KIAA0825: variants seen among roughly 807,000 people sequenced by gnomAD.
The protein encoded by KIAA0825 is KIAA0825.
KIAA0825 carries 119 observed loss-of-function variants against 147.6 expected under a neutral mutation model. The observed-to-expected ratio is 0.81, with a 90% CI of 0.69 to 0.94. KIAA0825 has a LOEUF of 0.94. Ranked by LOEUF, KIAA0825 falls within the 40% of genes least tolerant of loss-of-function variation. KIAA0825 has a pLI of 0.00. For missense variants in KIAA0825, 1,381 were observed against 1,472.7 expected, an observed-to-expected ratio of 0.94 and a Z score of 1.02; for synonymous variants, 470 against 518.1, an observed-to-expected ratio of 0.91 and a Z score of 1.26.
intron 20 of KIAA0825, among the ~76,000 whole-genome samples, chr5:94,359,495 G>A (rs1350304870): frequency 2.6e-5 from 4 of 152,292 alleles, no homozygotes; most frequent in Admixed American, 6.5e-5. Context: ...AGTGGCTCAC[G>A]CCTGTAATCC....
At chr5:94,348,401 C>CTA (rs1039443020) in intron 20 of KIAA0825, among the ~76,000 whole-genome samples, 14 of 152,112 alleles carry the variant, frequency 9.2e-5, no homozygotes, top group African/African-American at 3.4e-4. Context: ...TACGGAAGCA[C>CTA]TAGGTAACCT....
Position 94,471,466 on chromosome 5 carries a change from T to C in KIAA0825, c.1721A>G (p.Lys574Arg), listed in dbSNP as rs1225647547. 1 of 1,551,718 alleles carries C rather than the reference T, an allele frequency of 6.4e-7. No individual in the cohort carries two copies. ...TCATCTTAATTTAAACAACACTCAC[T>C]TTTTAGTCATTTCCTTCATCAAATT... Reference protein sequence around the residue: ...YDNLMKEMTKKPIFLVLVQRY... With the variant: ...YDNLMKEMTKRPIFLVLVQRY... Residue 574 changes from lysine (K) to arginine (R), a missense_variant and splice_region_variant, in exon 9 of 21, where the codon AAA becomes AGA. Physicochemically the swap from Lys to Arg is conservative, Grantham distance 26. Coordinates refer to ENST00000682413, the MANE Select transcript of KIAA0825 (RefSeq NM_001145678.3).
chr5:94,214,493 A>G (rs1013525870), intron 20 of KIAA0825, among the ~76,000 whole-genome samples: 3 of 151,936 alleles, frequency 2.0e-5, no homozygotes, highest in Non-Finnish European at 4.4e-5. Context: ...CCTTCCCCCA[A>G]TACCTGAAGT....
At chr5:94,401,438 A>G (rs1207482490) in intron 16 of KIAA0825, among the ~76,000 whole-genome samples, 1 of 152,144 alleles carries the variant, frequency 6.6e-6, no homozygotes, top group Admixed American at 6.6e-5. Flanking sequence ...ACTTGTATGT[A>G]TTATGAGGAT....
intron 20 of KIAA0825, among the ~76,000 whole-genome samples, chr5:94,213,069 A>G (rs911504697): frequency 2.0e-5 from 3 of 152,140 alleles, no homozygotes; most frequent in African/African-American, 7.2e-5. Flanking sequence ...ATAGATAAGG[A>G]AATTGAGGCA....
At chr5:94,259,245 T>C (rs1342826170) in intron 20 of KIAA0825, among the ~76,000 whole-genome samples, 2 of 152,106 alleles carry the variant, frequency 1.3e-5, no homozygotes, top group East Asian at 3.8e-4. Context: ...TCTCAGATCA[T>C]TTTATAATCA....
chr5:94,232,574 C>G (rs928355384), intron 20 of KIAA0825, among the ~76,000 whole-genome samples: 1 of 152,040 alleles, frequency 6.6e-6, no homozygotes, highest in Non-Finnish European at 1.5e-5. Context: ...ATAGATTCAA[C>G]TGTTGTTTTT....
At chr5:94,495,392 G>C (rs982786948) in intron 5 of KIAA0825, among the ~76,000 whole-genome samples, 3 of 152,158 alleles carry the variant, frequency 2.0e-5, no homozygotes, top group Admixed American at 6.5e-5. Context: ...CAGCCCCTTG[G>C]TGGCAGACAT....
chr5:94,213,123 C>T (rs572913608), intron 20 of KIAA0825, among the ~76,000 whole-genome samples: 10 of 152,112 alleles, frequency 6.6e-5, no homozygotes, highest in African/African-American at 2.4e-4. Context: ...ATTGTAACCC[C>T]TGTTTGTTTG....
chr5:94,320,474 A>AC (rs897536389), intron 20 of KIAA0825, among the ~76,000 whole-genome samples: 4 of 150,814 alleles, frequency 2.7e-5, no homozygotes, highest in East Asian at 2.0e-4. Context: ...GTCTTCATCC[A>AC]CCCCCCTCAC....
intron 12 of KIAA0825, among the ~76,000 whole-genome samples, chr5:94,459,920 A>G (rs531918943): frequency 2.0e-5 from 3 of 152,144 alleles, no homozygotes; most frequent in Non-Finnish European, 4.4e-5. Flanking sequence ...AAAATAAAAA[A>G]TATCATCAGC....
At chr5:94,559,193 T>C (rs1171540910) in intron 2 of KIAA0825, among the ~76,000 whole-genome samples, 4 of 152,252 alleles carry the variant, frequency 2.6e-5, no homozygotes, top group Admixed American at 1.3e-4. Context: ...CTGAGCTTTC[T>C]TCAAGCAAAT....
intron 14 of KIAA0825, among the ~76,000 whole-genome samples, chr5:94,435,258 C>G (rs1466717167): frequency 1.3e-5 from 2 of 151,630 alleles, no homozygotes; most frequent in Non-Finnish European, 2.9e-5. Flanking sequence ...TATCCATTAG[C>G]TATTTTTCCT....
intron 5 of KIAA0825, among the ~76,000 whole-genome samples, chr5:94,495,863 A>G (rs983444516): frequency 2.0e-5 from 3 of 152,252 alleles, no homozygotes; most frequent in African/African-American, 7.2e-5. Context: ...TAGAAAATAC[A>G]TGTGAAAATA....
At chr5:94,592,613 G>A (rs1171891347) in intron 1 of KIAA0825, among the ~76,000 whole-genome samples, 3 of 152,062 alleles carry the variant, frequency 2.0e-5, no homozygotes, top group Non-Finnish European at 4.4e-5. Flanking sequence ...GTGTGATGAT[G>A]GAAAACCTTG....
chr5:94,246,225 T>C (rs1775603484), intron 20 of KIAA0825, among the ~76,000 whole-genome samples: 1 of 152,114 alleles, frequency 6.6e-6, no homozygotes, highest in African/African-American at 2.4e-5. Flanking sequence ...AGCAAAATAT[T>C]TTCCAAAGTG....
intron 20 of KIAA0825, among the ~76,000 whole-genome samples, chr5:94,224,270 T>C (rs1773962169): frequency 6.6e-6 from 1 of 151,596 alleles, no homozygotes; most frequent in South Asian, 2.1e-4. Flanking sequence ...CTAATTTTTA[T>C]ATTTTTAATA....
chr5:94,199,577 C>T (rs753087572), intron 20 of KIAA0825, among the ~76,000 whole-genome samples: 6 of 151,980 alleles, frequency 3.9e-5, no homozygotes, highest in Non-Finnish European at 7.4e-5. Flanking sequence ...TGTGTGTACA[C>T]CAGTGGGGAA....
intron 1 of KIAA0825, among the ~76,000 whole-genome samples, chr5:94,605,811 A>G (rs954321431): frequency 2.0e-5 from 3 of 152,250 alleles, no homozygotes; most frequent in African/African-American, 7.2e-5. Context: ...CCTACATTAT[A>G]CTGAATGGGC....
Sources: gnomAD v4.1 joint callset for allele counts (sites outside exome capture counted in the v4.1 genomes callset) on GRCh38, gnomAD v4.1.1 for gene constraint, MANE v1.5 for transcripts, NCBI Gene and HGNC (gene_info 2026-07-23, HGNC 2026-07-21) for gene names.